Variants in ITGB2 observed in about 807,000 individuals in gnomAD.
ITGB2 encodes integrin subunit beta 2, also known as integrin beta-2.
Under a neutral mutation model 86.8 loss-of-function variants are expected in ITGB2, and 56 were observed. The observed-to-expected ratio is 0.65, with a 90% CI of 0.52 to 0.81. The LOEUF is 0.81. Ranked by LOEUF, ITGB2 falls within the 30% of genes least tolerant of loss-of-function variation. ITGB2 has a pLI of 0.00. For synonymous variants in ITGB2, 457 were observed against 450.4 expected (o/e 1.01, Z -0.19); for missense variants, 948 against 1,061.2 (o/e 0.89, Z 1.48).
chr21:44,889,509 C>G lies in ITGB2; in HGVS notation c.1658-14G>C, dbSNP rs2083753957. 1 of 1,551,872 alleles carries G rather than the reference C, an allele frequency of 6.4e-7. No individual in the cohort carries two copies. ...AGAGCCCCCTCCCTGGAAGACGGGGCAGCACGGCTAAGCTCCTGCTTGGCC... is the reference window on the plus strand; with the variant it reads ...AGAGCCCCCTCCCTGGAAGACGGGGGAGCACGGCTAAGCTCCTGCTTGGCC... On this transcript the variant is annotated splice_polypyrimidine_tract_variant and intron_variant, in intron 12 of 15. Transcript: ENST00000652462.
In ITGB2 at chr21:44,891,792, A is replaced by G; in HGVS notation, c.1412+17T>C. On this transcript the variant is annotated intron_variant, in intron 11 of 15. Coordinates refer to ENST00000652462, the MANE Select transcript of ITGB2 (RefSeq NM_000211.5). ...GGGGCTCGGGGATGGTTCAACAGGG[A>G]CCTGCGCCCGCCTCACCTGCAGATG... is the stretch of plus-strand genomic sequence containing the variant. The G allele has an allele frequency of 6.2e-7, 1 of 1,600,476 alleles. No homozygotes were observed. Among genetic ancestry groups the G allele is most frequent in the Non-Finnish European group, 8.5e-7 (1 of 1,179,716 alleles).
rs779145295 is a variant in ITGB2, at chr21:44,893,430, A to C, written c.1198T>G (p.Cys400Gly). The C allele has an allele frequency of 2.5e-6, 4 of 1,614,124 alleles. No individual in the cohort carries two copies. The South Asian group carries it at 4.4e-5, about 18-fold the overall frequency. Residue 400 changes from cysteine (C) to glycine (G), a missense_variant, in exon 10 of 16, where the codon TGT becomes GGT. Physicochemically the swap from Cys to Gly is radical, Grantham distance 159. Coordinates refer to ENST00000652462, the MANE Select transcript of ITGB2 (RefSeq NM_000211.5). ...VTHRNQPRGD[C>G]DGVQINVPIT... ...GGGACATTGATCTGCACGCCATCAC[A>C]GTCACCTCTGGGCTGGTTCCTGTGC...
chr21:44,906,005 C>T lies in ITGB2; in HGVS notation c.328+910G>A, dbSNP rs545296521. 6.6e-5 allele frequency among the ~76,000 whole-genome samples: 10 copies of T among 152,224 alleles called. No homozygotes were observed. The South Asian group carries it at 2.1e-3, about 32-fold the overall frequency. Reference sequence around the variant, plus strand: ...CACCCTCTCCCTGGGAGATGGCTTCCCCTTCCTTCCCTGGCCTCACTGTGG... The same window carrying T: ...CACCCTCTCCCTGGGAGATGGCTTCTCCTTCCTTCCCTGGCCTCACTGTGG... On this transcript the variant is annotated intron_variant, in intron 4 of 15. Coordinates refer to ENST00000652462, the MANE Select transcript of ITGB2 (RefSeq NM_000211.5).
chr21:44,893,343 T>C (rs1443573084), intron 10 of ITGB2, 61 bp downstream of exon 10: 6 of 1,599,480 alleles, frequency 3.8e-6, no homozygotes, highest in Non-Finnish European at 3.4e-6. Flanking sequence ...CCCTGGCTCC[T>C]TCTGGCTGTC....
Position 44,926,113 on chromosome 21 carries a change from T to A in ITGB2, c.-4+2541A>T, listed in dbSNP as rs549351858. 1.4e-4 allele frequency among the ~76,000 whole-genome samples: 22 copies of A among 151,782 alleles called. 1 individual carries two copies. In the South Asian group the frequency reaches 4.6e-3, roughly 32 times the overall value. ...GAGCGAGACTCCGTCTCAAAAAATA[T>A]ATATACAATAAATAAATAAATTAAT... On this transcript the variant is annotated intron_variant, in intron 1 of 15. Coordinates refer to the ITGB2 transcript ENST00000355153.
chr21:44,888,927 AG>A, intron 13 of ITGB2, 32 bp from the exon 14 acceptor site: 1 of 1,560,324 alleles, frequency 6.4e-7, no homozygotes, highest in Non-Finnish European at 8.6e-7. Context: ...CATCGGTGCC[AG>A]GGTGTGCGGG....
At chr21:44,919,911 G>A (rs1341199663) in intron 1 of ITGB2, among the ~76,000 whole-genome samples, 1 of 152,194 alleles carries the variant, frequency 6.6e-6, no homozygotes, top group Non-Finnish European at 1.5e-5. Flanking sequence ...TGCAGTGTTG[G>A]GGGAAGGGGG....
At chr21:44,906,127 TCTTCCCTCCCTTCCC>T (rs935716978) in intron 4 of ITGB2, among the ~76,000 whole-genome samples, 2 of 149,992 alleles carry the variant, frequency 1.3e-5, no homozygotes, top group Admixed American at 6.6e-5. Flanking sequence ...GAGCTTCGTT[TCTTCCCTCCCTTCCC>T]CTTCCCTCCC....
At position 44,906,982 on chromosome 21, in the gene ITGB2, G is replaced by A; in HGVS notation, c.261C>T (p.Thr87=). The A allele has an allele frequency of 6.2e-7, 1 of 1,614,180 alleles. No homozygotes were observed. The highest frequency in any genetic ancestry group is 8.5e-7 in the Non-Finnish European group (1 of 1,180,018). Residue 87 remains threonine (T), a synonymous_variant, in exon 4 of 16, where the codon ACC becomes ACT. Coordinates refer to ENST00000652462, the MANE Select transcript of ITGB2 (RefSeq NM_000211.5). The part of the protein sequence containing the change: ...DIMDPTSLAE[T]QEDHNGGQKQ... ...TCTGGCCCCCATTGTGGTCTTCCTG[G>A]GTTTCAGCGAGGCTTGTGGGGTCCA...
At chr21:44,908,810 T>C (rs977876924) in intron 3 of ITGB2, among the ~76,000 whole-genome samples, 1 of 152,092 alleles carries the variant, frequency 6.6e-6, no homozygotes, top group African/African-American at 2.4e-5. Context: ...GCAAGGGACA[T>C]GGAGATGGGC....
At chr21:44,897,634 C>A (rs1442666183) in intron 8 of ITGB2, among the ~76,000 whole-genome samples, 1 of 152,194 alleles carries the variant, frequency 6.6e-6, no homozygotes, top group Non-Finnish European at 1.5e-5. Context: ...GGGCCTGGGG[C>A]GTCCTGTGGT....
At chr21:44,907,367 A>C (rs1198086518) in intron 3 of ITGB2, among the ~76,000 whole-genome samples, 1 of 152,204 alleles carries the variant, frequency 6.6e-6, no homozygotes, top group Non-Finnish European at 1.5e-5. Context: ...CCTACTCTCC[A>C]GCCCGAGGCT....
At chr21:44,922,220 G>A (rs2084315502), upstream of ITGB2, among the ~76,000 whole-genome samples, 1 of 152,278 alleles carries the variant, frequency 6.6e-6, no homozygotes, top group Non-Finnish European at 1.5e-5. Flanking sequence ...GGAGGGGCCA[G>A]GGAGCACATT....
At chr21:44,889,018 G>A in intron 13 of ITGB2, 123 bp from the exon 14 acceptor site, 1 of 812,896 alleles carries the variant, frequency 1.2e-6, no homozygotes, top group Non-Finnish European at 2.0e-6. Flanking sequence ...TCAGGCCAAG[G>A]AGGGGGCCCA....
rs777357408 is a variant in ITGB2 at position 44,891,912 on chromosome 21, C to T, written c.1309G>A (p.Val437Met). The T allele has an allele frequency of 6.2e-7, 1 of 1,613,410 alleles. No individual in the cohort carries two copies. The highest frequency in any genetic ancestry group is 8.5e-7 in the Non-Finnish European group (1 of 1,179,984). Residue 437 changes from valine to methionine, a missense_variant, in exon 11 of 16, where the codon GTG (valine) becomes ATG (methionine). By Grantham distance (21) the Val-to-Met change is conservative (BLOSUM62 1). Transcript: ENST00000652462. ...CACTGGGGAAGAACCTGCACGGTCA[C>T]TATGTCCGTGAAGCCCAGCGCCCGG... ...VIRALGFTDIVTVQVLPQCEC... is the reference protein window; with the variant it reads ...VIRALGFTDIMTVQVLPQCEC...
intron 3 of ITGB2, chr21:44,908,141 G>C: frequency 2.7e-6 from 2 of 739,742 alleles, no homozygotes; most frequent in Non-Finnish European, 5.0e-6. Context: ...TCCGGGGACT[G>C]CTCGCCGCGG....
rs946605387 is a variant in ITGB2, at chr21:44,890,200, T to C, written c.1435A>G (p.Lys479Glu). The C allele has an allele frequency of 6.2e-7, 1 of 1,613,022 alleles. No individual in the cohort carries two copies. The highest frequency in any genetic ancestry group is 1.7e-5 in the Admixed American group (1 of 60,002). Residue 479 changes from lysine (K) to glutamate (E), a missense_variant, in exon 12 of 16, where the codon AAA becomes GAA. By Grantham distance (56) the Lys-to-Glu change is moderately conservative. Transcript: ENST00000652462. ...CCCTGTGTCTGGCACTCACAGTTTTTCCCAATGTAGCCAGTGTCACACCTG... is the reference window on the plus strand; with the variant it reads ...CCCTGTGTCTGGCACTCACAGTTTTCCCCAATGTAGCCAGTGTCACACCTG... ...ICRCDTGYIGKNCECQTQGRS... is the reference protein window; with the variant it reads ...ICRCDTGYIGENCECQTQGRS...
At chr21:44,918,759 G>A (rs1401807142) in intron 1 of ITGB2, among the ~76,000 whole-genome samples, 2 of 152,226 alleles carry the variant, frequency 1.3e-5, no homozygotes, top group Non-Finnish European at 2.9e-5. Context: ...TGAGGGGCAG[G>A]GGTTACCACC....
At chr21:44,916,893 G>A (rs2084220089) in intron 1 of ITGB2, among the ~76,000 whole-genome samples, 3 of 151,700 alleles carry the variant, frequency 2.0e-5, no homozygotes, top group Admixed American at 6.6e-5. Flanking sequence ...AAAAGCTAAG[G>A]GGGAAAATAG....
Sources: gnomAD v4.1 joint callset for allele counts (sites outside exome capture counted in the v4.1 genomes callset) on GRCh38, gnomAD v4.1.1 for gene constraint, MANE v1.5 for transcripts, NCBI Gene and HGNC (gene_info 2026-07-23, HGNC 2026-07-21) for gene names.